Variants in CFAP161 observed in about 807,000 individuals in gnomAD.
CFAP161 encodes cilia- and flagella-associated protein 161.
Under a neutral mutation model 29.0 loss-of-function variants are expected in CFAP161, and 25 were observed. The observed-to-expected ratio is 0.86, with a 90% CI of 0.63 to 1.20. The LOEUF is 1.20. Among genes scored for constraint, CFAP161 ranks in the 50% most tolerant of loss-of-function variants. CFAP161 has a pLI of 0.00. For missense variants in CFAP161, 367 were observed against 371.9 expected (o/e 0.99, Z 0.11); for synonymous variants, 116 against 137.4 (o/e 0.84, Z 1.09).
intron 4 of CFAP161, among the ~76,000 whole-genome samples, chr15:81,142,737 C>G (rs770978495): frequency 1.2e-4 from 18 of 152,158 alleles, no homozygotes; most frequent in Admixed American, 5.9e-4. Flanking sequence ...GGAAACCTGT[C>G]AAAATATGCA....
At chr15:81,111,448 C>T (rs1015456555) in intron 1 of CFAP161, among the ~76,000 whole-genome samples, 1 of 152,110 alleles carries the variant, frequency 6.6e-6, no homozygotes, top group African/African-American at 2.4e-5. Context: ...ATCACCTCTC[C>T]TGGGGCTATC....
chr15:81,101,452 G>A (rs189815015), intron 1 of CFAP161, among the ~76,000 whole-genome samples: 4 of 149,882 alleles, frequency 2.7e-5, no homozygotes, highest in East Asian at 3.9e-4. Context: ...ACTTGAACCC[G>A]GGAGGTGGAG....
At chr15:81,123,135 G>A (rs76120897) in intron 1 of CFAP161, among the ~76,000 whole-genome samples, 1 of 151,490 alleles carries the variant, frequency 6.6e-6, no homozygotes. Flanking sequence ...CTGAATGGTG[G>A]TACCTCATTT....
intron 4 of CFAP161, among the ~76,000 whole-genome samples, chr15:81,143,391 A>C (rs1443831418): frequency 6.6e-6 from 1 of 152,160 alleles, no homozygotes; most frequent in Non-Finnish European, 1.5e-5. Context: ...AGGGAGTAGG[A>C]AGGAGAGAGG....
chr15:81,126,806 T>C (rs1257049328), intron 1 of CFAP161, among the ~76,000 whole-genome samples: 1 of 152,248 alleles, frequency 6.6e-6, no homozygotes, highest in Non-Finnish European at 1.5e-5. Context: ...TATTGGAATT[T>C]GCAAAACCAT....
intron 1 of CFAP161, among the ~76,000 whole-genome samples, chr15:81,120,806 A>G (rs552735846): frequency 6.6e-5 from 10 of 152,390 alleles, no homozygotes; most frequent in African/African-American, 2.4e-4. Context: ...TTTACCTCAA[A>G]AAATGAAGTT....
intron 1 of CFAP161, among the ~76,000 whole-genome samples, chr15:81,103,985 G>A (rs1186298421): frequency 6.7e-6 from 1 of 148,420 alleles, no homozygotes; most frequent in Admixed American, 6.7e-5. Flanking sequence ...TGGTATGAGA[G>A]GTGAGGAAAA....
At chr15:81,121,262 A>G (rs1187417741) in intron 1 of CFAP161, among the ~76,000 whole-genome samples, 1 of 152,140 alleles carries the variant, frequency 6.6e-6, no homozygotes. Context: ...AAAATTTACC[A>G]TGCAAGATTC....
chr15:81,132,463 C>G (rs1248975326), upstream of CFAP161, among the ~76,000 whole-genome samples: 2 of 152,156 alleles, frequency 1.3e-5, no homozygotes, highest in South Asian at 4.1e-4. Flanking sequence ...GGAAGTTATT[C>G]AGGTTGAAAA....
At chr15:81,116,493 C>T (rs1343343941) in intron 1 of CFAP161, among the ~76,000 whole-genome samples, 9 of 152,178 alleles carry the variant, frequency 5.9e-5, no homozygotes, top group African/African-American at 2.2e-4. Context: ...GATGGGGTTT[C>T]ACCATGTTGG....
chr15:81,129,406 C>T (rs1045465258), upstream of CFAP161, among the ~76,000 whole-genome samples: 7 of 151,966 alleles, frequency 4.6e-5, no homozygotes, highest in Non-Finnish European at 1.0e-4. Flanking sequence ...CTCACAATCA[C>T]GGTGGAAGGT....
chr15:81,123,707 A>AT (rs1428230866), intron 1 of CFAP161, among the ~76,000 whole-genome samples: 2 of 152,004 alleles, frequency 1.3e-5, no homozygotes, highest in Admixed American at 6.6e-5. Flanking sequence ...GTCATCTCTG[A>AT]TTTTTTTGAG....
chr15:81,109,870 T>C (rs1894419785), intron 1 of CFAP161, among the ~76,000 whole-genome samples: 1 of 152,232 alleles, frequency 6.6e-6, no homozygotes, highest in Non-Finnish European at 1.5e-5. Context: ...CATTGCCTCA[T>C]CCCTTATTAA....
intron 1 of CFAP161, among the ~76,000 whole-genome samples, chr15:81,116,446 A>G (rs372287122): frequency 1.3e-5 from 2 of 152,310 alleles, no homozygotes; most frequent in East Asian, 3.9e-4. Context: ...GGCGCACGCC[A>G]TAACGCCCAG....
chr15:81,133,209 ATATATATATATATATGTAT>A (rs1567156351), upstream of CFAP161, among the ~76,000 whole-genome samples: 7 of 41,854 alleles, frequency 1.7e-4, no homozygotes, highest in African/African-American at 5.8e-4. Context: ...ATATATATAT[ATATATATATATATATGTAT>A]TTTTTTTTAA....
intron 1 of CFAP161, among the ~76,000 whole-genome samples, chr15:81,125,723 G>A (rs1894631953): frequency 6.6e-6 from 1 of 152,024 alleles, no homozygotes; most frequent in Non-Finnish European, 1.5e-5. Context: ...ATTTTACTAT[G>A]TAAACACAGC....
intron 1 of CFAP161, among the ~76,000 whole-genome samples, chr15:81,122,801 T>A (rs1894591944): frequency 6.6e-6 from 1 of 152,144 alleles, no homozygotes; most frequent in Non-Finnish European, 1.5e-5. Flanking sequence ...CGATGTTGAT[T>A]TTTTTCATAT....
chr15:81,121,279 A>G (rs979846855), intron 1 of CFAP161, among the ~76,000 whole-genome samples: 1 of 152,176 alleles, frequency 6.6e-6, no homozygotes, highest in African/African-American at 2.4e-5. Context: ...ATTCTTTCTT[A>G]TTCAAAATTA....
At position 81,138,148 on chromosome 15, in the gene CFAP161, T is replaced by G; in HGVS notation, c.477+13T>G. 6.3e-7 allele frequency: 1 copy of G among 1,585,604 alleles called. No individual in the cohort carries two copies. Among genetic ancestry groups the G allele is most frequent in the African/African-American group, 1.3e-5 (1 of 74,374 alleles). ...TGACAACAAAATGGTGAGTTATCAC[T>G]TTGCATATCTACTTTGGATCAGTCA... On this transcript the variant is annotated intron_variant, in intron 4 of 6. Coordinates refer to ENST00000286732, the MANE Select transcript of CFAP161 (RefSeq NM_173528.4).
Sources: gnomAD v4.1 joint callset for allele counts (sites outside exome capture counted in the v4.1 genomes callset) on GRCh38, gnomAD v4.1.1 for gene constraint, MANE v1.5 for transcripts, NCBI Gene and HGNC (gene_info 2026-07-23, HGNC 2026-07-21) for gene names.